RASGRF1: variants seen among roughly 807,000 people sequenced by gnomAD.
The protein encoded by RASGRF1 is ras-specific guanine nucleotide-releasing factor 1.
A neutral mutation model predicts 138.7 loss-of-function variants in RASGRF1; 40 were observed. That is an observed-to-expected ratio of 0.29 (90% CI 0.22 to 0.38). The LOEUF (loss-of-function observed/expected upper bound fraction) is 0.38, where lower values mean the gene tolerates loss of function less well. RASGRF1 is among the 10% of genes least tolerant of loss of function. The probability of loss-of-function intolerance (pLI) is 1.00; values close to 1 mark genes in which losing one functional copy is unlikely to be tolerated. For synonymous variants in RASGRF1, 614 were observed against 663.2 expected (o/e 0.93, Z 1.14); for missense variants, 1,108 against 1,650.4 (o/e 0.67, Z 5.69).
chr15:79,013,733 A>AG (rs1264423611), intron 13 of RASGRF1, among the ~76,000 whole-genome samples: 1 of 152,038 alleles, frequency 6.6e-6, no homozygotes, highest in East Asian at 1.9e-4. Flanking sequence ...GTGTGTGGTG[A>AG]GGGGGTTAGG....
chr15:78,970,965 C>T (rs193050169), intron 26 of RASGRF1, among the ~76,000 whole-genome samples: 1 of 152,096 alleles, frequency 6.6e-6, no homozygotes, highest in Non-Finnish European at 1.5e-5. Flanking sequence ...CTTTTAGGAT[C>T]CCACCAGTTC....
chr15:79,016,730 G>A (rs1007716040), intron 12 of RASGRF1, among the ~76,000 whole-genome samples: 1 of 152,216 alleles, frequency 6.6e-6, no homozygotes, highest in Non-Finnish European at 1.5e-5. Context: ...TACTCCTCTG[G>A]GACTGCGAGA....
rs371901610 is a variant in RASGRF1 at position 79,046,812 on chromosome 15, C to T, written c.812G>A (p.Arg271Gln). The T allele has an allele frequency of 3.0e-5, 49 of 1,614,230 alleles. No individual in the cohort carries two copies. Among genetic ancestry groups the T allele is most frequent in the African/African-American group, 8.0e-5 (6 of 75,042 alleles). ...AGGCTTCTTGGAGCTGGCGGCCATC[C>T]GCAGCGGGCGCAGGAAATTGTTGAC... ...ILVNNFLRPL[R>Q]MAASSKKPPI... The change falls in exon 5 of 27, where the codon CGG becomes CAG. Residue 271 changes from arginine (R) to glutamine (Q), a missense_variant. By Grantham distance (43) the Arg-to-Gln change is conservative. Transcript: ENST00000558480. The surrounding 1 kb of genome is among the most constrained non-coding windows in gnomAD (Gnocchi z 5.3).
chr15:79,012,041 A>T (rs1028401014), intron 13 of RASGRF1, among the ~76,000 whole-genome samples: 1 of 152,104 alleles, frequency 6.6e-6, no homozygotes, highest in Non-Finnish European at 1.5e-5. Context: ...AAATTGATAC[A>T]TTAGATGCCG....
intron 16 of RASGRF1, 48 bp from the exon 17 acceptor site, chr15:78,999,961 C>G (rs1249226105): frequency 1.9e-6 from 3 of 1,582,680 alleles, no homozygotes; most frequent in Non-Finnish European, 2.6e-6. Context: ...GTCCCAACTC[C>G]TCAGGCTGTT....
intron 14 of RASGRF1, chr15:79,005,163 G>T (rs6495360): frequency 0.078 from 76,392 of 985,382 alleles, 3,513 homozygotes; most frequent in African/African-American, 0.2. Context: ...GGGCAGAGAG[G>T]CAAGATGTAC....
intron 1 of RASGRF1, among the ~76,000 whole-genome samples, chr15:79,084,715 C>A (rs1453963894): frequency 4.6e-5 from 7 of 152,302 alleles, no homozygotes; most frequent in South Asian, 4.1e-4. Flanking sequence ...TCAAATGTGA[C>A]CTCCCTGAGA....
At chr15:78,980,755 C>T in intron 23 of RASGRF1, 56 bp from the exon 24 acceptor site, 1 of 1,395,384 alleles carries the variant, frequency 7.2e-7, no homozygotes, top group South Asian at 1.2e-5. Flanking sequence ...ATCCCCGAGG[C>T]CCGGGGATCA....
intron 1 of RASGRF1, among the ~76,000 whole-genome samples, chr15:79,087,023 C>T (rs1333866387): frequency 2.0e-5 from 3 of 152,192 alleles, no homozygotes; most frequent in Non-Finnish European, 2.9e-5. Flanking sequence ...CATGGCTGTG[C>T]CAGTCTGACT....
In RASGRF1 at chr15:78,996,265, A is replaced by G. The variant is rs1198261035; in HGVS notation, c.2967-465T>C. On this transcript the variant is annotated intron_variant, in intron 19 of 26. Transcript: ENST00000558480. ...GGGACTGCAAGGATGGAATTGGGAG[A>G]GCAGAGGAGAGTGGTACACACGGTG... 2.0e-5 allele frequency among the ~76,000 whole-genome samples: 3 copies of G among 152,154 alleles called. No homozygotes were observed. The East Asian group carries it at 5.8e-4, about 29-fold the overall frequency.
At position 79,050,943 on chromosome 15, in the gene RASGRF1, T is replaced by C. The variant is rs117220931; in HGVS notation, c.532-1355A>G. On this transcript the variant is annotated intron_variant, in intron 3 of 26. Transcript: ENST00000558480. The surrounding 1 kb of genome is among the most constrained non-coding windows in gnomAD (Gnocchi z 4.1). ...GAAGGGATTGCAGCTGTTTCATTTATTGTGCTCCTGGTGCCTAGCGCAAGG... is the reference window on the plus strand; with the variant it reads ...GAAGGGATTGCAGCTGTTTCATTTACTGTGCTCCTGGTGCCTAGCGCAAGG... 3.6e-4 allele frequency among the ~76,000 whole-genome samples: 55 copies of C among 152,380 alleles called. No homozygotes were observed. The East Asian group carries it at 4.8e-3, about 13-fold the overall frequency.
intron 1 of RASGRF1, among the ~76,000 whole-genome samples, chr15:79,068,486 TATATATAC>T (rs746197775): frequency 6.5e-4 from 43 of 66,366 alleles, no homozygotes; most frequent in African/African-American, 2.4e-3. Context: ...TATATATATA[TATATATAC>T]ACACACACAC....
Position 79,046,969 on chromosome 15 carries a change from G to T in RASGRF1, c.655C>A (p.Arg219=), listed in dbSNP as rs746324857. Residue 219 remains arginine (R), a synonymous_variant, in exon 5 of 27, where the codon CGG becomes AGG. Transcript: ENST00000558480. This position sits in a 1 kb window ranked among gnomAD's most constrained non-coding sequence, Gnocchi z 5.3. The part of the protein sequence containing the change: ...VQSFLRGWLC[R]RKWKTIIQDY... ...TGGATGATGGTCTTCCACTTCCGCC[G>T]GCACAGCCAGCCCCGCAGGAAGCTC... is the stretch of plus-strand genomic sequence containing the variant. The T allele has an allele frequency of 1.2e-6, 2 of 1,613,266 alleles. No individual in the cohort carries two copies. The highest frequency in any genetic ancestry group is 1.7e-5 in the Admixed American group (1 of 60,008).
At chr15:79,007,865 CTT>C in intron 13 of RASGRF1, among the ~76,000 whole-genome samples, 1 of 142,438 alleles carries the variant, frequency 7.0e-6, no homozygotes, top group African/African-American at 2.6e-5. Flanking sequence ...TCTAGTTTTT[CTT>C]TTTTTTTTTT....
intron 3 of RASGRF1, among the ~76,000 whole-genome samples, chr15:79,051,729 G>A (rs1201917165): frequency 1.3e-5 from 2 of 152,190 alleles, no homozygotes; most frequent in African/African-American, 2.4e-5. Flanking sequence ...GATGCAATTA[G>A]GTCAGGCACC....
chr15:79,065,654 G>C (rs551976967), intron 1 of RASGRF1, among the ~76,000 whole-genome samples: 4 of 152,022 alleles, frequency 2.6e-5, no homozygotes, highest in African/African-American at 4.8e-5. Flanking sequence ...GCCTGGGCCT[G>C]GTGAAACTGG....
intron 4 of RASGRF1, 58 bp downstream of exon 4, chr15:79,049,438 G>A: frequency 5.9e-6 from 9 of 1,530,234 alleles, no homozygotes; most frequent in Middle Eastern, 1.7e-4. Flanking sequence ...TGCCAACCCT[G>A]GGCTGGCTCT....
chr15:79,015,210 A>C (rs1292245585), intron 13 of RASGRF1, 117 bp downstream of exon 13: 3 of 972,720 alleles, frequency 3.1e-6, no homozygotes, highest in Non-Finnish European at 4.7e-6. Flanking sequence ...ACCCCCAAAG[A>C]CAAAGCCCAG....
chr15:78,999,731 C>T lies in RASGRF1; in HGVS notation c.2746+12G>A, dbSNP rs1397665181. The T allele has an allele frequency of 1.9e-6, 3 of 1,611,104 alleles. No individual in the cohort carries two copies. Among genetic ancestry groups the T allele is most frequent in the African/African-American group, 2.7e-5 (2 of 74,844 alleles). On this transcript the variant is annotated intron_variant, in intron 17 of 26. Coordinates refer to ENST00000558480, the MANE Select transcript of RASGRF1 (RefSeq NM_001145648.3). ...TGGGGAGGACCCTGTGAGTGGAGAA[C>T]ACCCCACATACCTGCACTGGCTAAG...
Sources: allele counts gnomAD v4.1 joint callset (sites outside exome capture counted in the v4.1 genomes callset), GRCh38; gene constraint gnomAD v4.1.1; non-coding constraint Gnocchi (gnomAD v3.1); transcripts MANE v1.5; gene names NCBI Gene and HGNC (gene_info 2026-07-23, HGNC 2026-07-21).